Variants in ATG2B observed in about 807,000 individuals in gnomAD.
ATG2B encodes autophagy related 2B.
A neutral mutation model predicts 241.3 loss-of-function variants in ATG2B; 121 were observed. The ratio of observed to expected loss-of-function variants is 0.50; its 90% CI spans 0.43 to 0.58. The LOEUF is 0.58. Ranked by LOEUF, ATG2B falls within the 20% of genes least tolerant of loss-of-function variation. The probability of loss-of-function intolerance (pLI) is 0.00; values close to 1 mark genes in which losing one functional copy is unlikely to be tolerated. For missense variants in ATG2B, 2,306 were observed against 2,491.6 expected, an observed-to-expected ratio of 0.93 and a Z score of 1.59; for synonymous variants, 858 against 876.6, an observed-to-expected ratio of 0.98 and a Z score of 0.37.
At chr14:96,349,491 G>A (rs1888258046) in intron 1 of ATG2B, among the ~76,000 whole-genome samples, 1 of 152,200 alleles carries the variant, frequency 6.6e-6, no homozygotes, top group East Asian at 1.9e-4. Context: ...ATGCCAGCAG[G>A]AAGGCTGTTA....
At chr14:96,353,838 T>C (rs1888400827) in intron 1 of ATG2B, among the ~76,000 whole-genome samples, 1 of 152,052 alleles carries the variant, frequency 6.6e-6, no homozygotes, top group Non-Finnish European at 1.5e-5. Context: ...CAATGGAATC[T>C]TGCAAAGTAA....
chr14:96,286,003 G>A lies in ATG2B; in HGVS notation c.6007-18C>T. On this transcript the variant is annotated intron_variant, in intron 41 of 41. Transcript: ENST00000359933. Reference sequence around the variant, plus strand: ...GTGATTCCCTGCGTAGAGGAGGGAGGTAGGAGAGAGGAGGGCAGTGAACAA... The same window carrying A: ...GTGATTCCCTGCGTAGAGGAGGGAGATAGGAGAGAGGAGGGCAGTGAACAA... 6.3e-7 allele frequency: 1 copy of A among 1,589,768 alleles called. No individual in the cohort carries two copies. The highest frequency in any genetic ancestry group is 8.6e-7 in the Non-Finnish European group (1 of 1,161,060).
chr14:96,294,842 G>A, intron 36 of ATG2B, 118 bp downstream of exon 36: 1 of 816,384 alleles, frequency 1.2e-6, no homozygotes. Flanking sequence ...ACCAGCTGAT[G>A]ATTTGGCAGT....
chr14:96,358,166 G>A (rs975476184), intron 1 of ATG2B, among the ~76,000 whole-genome samples: 2 of 152,206 alleles, frequency 1.3e-5, no homozygotes, highest in Non-Finnish European at 2.9e-5. Flanking sequence ...CTGGTACGGT[G>A]GCTCATGCCT....
Position 96,341,502 on chromosome 14 carries a change from A to G in ATG2B, c.924+20T>C, listed in dbSNP as rs1888033624. 2 of 1,544,328 alleles carry G rather than the reference A, an allele frequency of 1.3e-6. No individual in the cohort carries two copies. Among genetic ancestry groups the G allele is most frequent in the Admixed American group, 4.0e-5 (2 of 49,806 alleles). On this transcript the variant is annotated intron_variant, in intron 6 of 41. Coordinates refer to ENST00000359933, the MANE Select transcript of ATG2B (RefSeq NM_018036.7). ...TACTTTTATTTTGGTTTTACTACAG[A>G]AAGTGAAACAAACACTGACCTTAGC... is the stretch of plus-strand genomic sequence containing the variant.
At chr14:96,330,768 C>CA (rs1887711455) in intron 11 of ATG2B, among the ~76,000 whole-genome samples, 1 of 152,110 alleles carries the variant, frequency 6.6e-6, no homozygotes, top group East Asian at 1.9e-4. Flanking sequence ...TGTCTCAAAA[C>CA]AAAAAACAAA....
rs1887206479 is a variant in ATG2B, at chr14:96,313,108, C to T, written c.3799G>A (p.Val1267Ile). ...TTATCCAATGCAACGCTACTGGAAA[C>T]ACTGAATGTTTCCACGGTAAGAAGA... ...RSLLTVETFS[V>I]SSSVALDKSS... Residue 1267 changes from valine to isoleucine, a missense_variant, in exon 25 of 42, where the codon GTT (valine) becomes ATT (isoleucine). By Grantham distance (29) the Val-to-Ile change is conservative. Around this residue, in one of 2 missense-constraint regions of ATG2B, gnomAD observed 1,927 missense variants for 2,011.2 expected, o/e 0.96. Transcript: ENST00000359933. 1.2e-6 allele frequency: 2 copies of T among 1,613,610 alleles called. No individual in the cohort carries two copies. Among genetic ancestry groups the T allele is most frequent in the Non-Finnish European group, 1.7e-6 (2 of 1,179,750 alleles).
intron 19 of ATG2B, 119 bp downstream of exon 19, chr14:96,317,579 A>T: frequency 2.2e-6 from 2 of 901,232 alleles, no homozygotes; most frequent in Non-Finnish European, 3.2e-6. Flanking sequence ...TACTAAAAGA[A>T]ATTGCAAAAT....
At position 96,315,193 on chromosome 14, in the gene ATG2B, C is replaced by T. The variant is rs1039823106; in HGVS notation, c.3603G>A (p.Gln1201=). The T allele has an allele frequency of 1.1e-5, 18 of 1,614,080 alleles. No homozygotes were observed. The highest frequency in any genetic ancestry group is 1.4e-5 in the Non-Finnish European group (17 of 1,180,016). ...TAAGCCCAGAAGGAAGCATTCTATG[C>T]TGGAGAGTGGCTCCTTTCAGTCCTA... The part of the protein sequence containing the change: ...IAVGLKGATL[Q]HRMLPSGLSW... The change falls in exon 23 of 42, where the codon CAG becomes CAA. Residue 1201 remains glutamine, a synonymous_variant. Coordinates refer to ENST00000359933, the MANE Select transcript of ATG2B (RefSeq NM_018036.7).
chr14:96,312,033 T>C, intron 26 of ATG2B, 56 bp downstream of exon 26: 1 of 1,300,808 alleles, frequency 7.7e-7, no homozygotes, highest in South Asian at 1.2e-5. Flanking sequence ...TTTAAAATTA[T>C]TTACGCACAA....
rs139697150 is a variant in ATG2B, at chr14:96,315,958, T to C, written c.3362-375A>G. 9.6e-4 allele frequency among the ~76,000 whole-genome samples: 146 copies of C among 152,358 alleles called. 1 individual carries two copies. The highest frequency in any genetic ancestry group is 3.3e-3 in the African/African-American group (139 of 41,592). ...AAGAACATATAGTCCCATCGACTGA[T>C]GAATGGATACATAAGATGTGATCTA... On this transcript the variant is annotated intron_variant, in intron 21 of 41. Coordinates refer to ENST00000359933, the MANE Select transcript of ATG2B (RefSeq NM_018036.7).
chr14:96,356,254 T>C (rs1207023684), intron 1 of ATG2B, among the ~76,000 whole-genome samples: 1 of 152,112 alleles, frequency 6.6e-6, no homozygotes. Context: ...GAGTGTACTA[T>C]TTTATACCTA....
chr14:96,312,695 A>G (rs1042914750), intron 25 of ATG2B, among the ~76,000 whole-genome samples: 40 of 152,156 alleles, frequency 2.6e-4, no homozygotes, highest in African/African-American at 8.9e-4. Context: ...AGCTGTAATA[A>G]GCTGTGATCA....
intron 8 of ATG2B, among the ~76,000 whole-genome samples, chr14:96,333,070 T>C (rs75385649): frequency 6.6e-6 from 1 of 152,248 alleles, no homozygotes; most frequent in East Asian, 1.9e-4. Context: ...CCATTTACAT[T>C]TCAGTTCCTT....
intron 14 of ATG2B, among the ~76,000 whole-genome samples, chr14:96,327,816 C>T (rs1344000156): frequency 6.6e-6 from 1 of 151,906 alleles, no homozygotes; most frequent in Admixed American, 6.6e-5. Context: ...ATCTTCATAA[C>T]CATCATTTTC....
chr14:96,317,009 C>T, intron 20 of ATG2B, 136 bp downstream of exon 20: 1 of 855,980 alleles, frequency 1.2e-6, no homozygotes, highest in Non-Finnish European at 1.8e-6. Flanking sequence ...TCATGGTTTG[C>T]CCCAGGACAC....
chr14:96,281,702 T>C lies in ATG2B; in HGVS notation c.*4053A>G, dbSNP rs1886203926. The C allele has an allele frequency of 6.6e-6, 1 of 152,200 alleles. No individual in the cohort carries two copies. The highest frequency in any genetic ancestry group is 2.4e-5 in the African/African-American group (1 of 41,444). The allele number at this position is 152,200 out of a possible 1,614,324, so 9.4% of individuals were successfully genotyped here. A position where few individuals can be genotyped will look rare whatever the true frequency, so the allele number is the denominator to read the frequency against. On this transcript the variant is annotated 3_prime_UTR_variant, in exon 42 of 42. Coordinates refer to ENST00000359933, the MANE Select transcript of ATG2B (RefSeq NM_018036.7). ...GCTGCTACCCGGGACATTAGAGATA[T>C]AACTGAGCCAGCTGAGATGACATTT...
chr14:96,311,640 A>G (rs1191332755), intron 26 of ATG2B, 22 bp from the exon 27 acceptor site: 1 of 1,522,192 alleles, frequency 6.6e-7, no homozygotes, highest in Non-Finnish European at 9.1e-7. Flanking sequence ...AAAATTAAGA[A>G]AATCTCTTCA....
rs1886215170 is a variant in ATG2B at position 96,282,111 on chromosome 14, AAG to A, written c.*3642_*3643del. On this transcript the variant is annotated 3_prime_UTR_variant, in exon 42 of 42. Transcript: ENST00000359933. ...TAAAGCACTATTTGTCTTATATGAA[AAG>A]AGTGACTCTATCTTCCAGTAAACAA... 2 of 152,248 alleles carry A rather than the reference AAG, an allele frequency of 1.3e-5. No individual in the cohort carries two copies. Among genetic ancestry groups the A allele is most frequent in the African/African-American group, 2.4e-5 (1 of 41,454 alleles). 9.4% of individuals were successfully genotyped at this position (152,248 alleles called of 1,614,324 possible). A position where few individuals can be genotyped will look rare whatever the true frequency, so the allele number is the denominator to read the frequency against.
Sources: gnomAD v4.1 joint callset for allele counts (sites outside exome capture counted in the v4.1 genomes callset) on GRCh38, gnomAD v4.1.1 for gene constraint, gnomAD v4.1.1 regional missense constraint, MANE v1.5 for transcripts, NCBI Gene and HGNC (gene_info 2026-07-23, HGNC 2026-07-21) for gene names.